The following TMC1 variants were observed in gnomAD, a reference collection of about 807,000 sequenced individuals.
TMC1 encodes the protein transmembrane channel like 1.
TMC1 carries 84 observed loss-of-function variants against 105.8 expected under a neutral mutation model. The ratio of observed to expected loss-of-function variants is 0.79; its 90% CI spans 0.67 to 0.95. The LOEUF (loss-of-function observed/expected upper bound fraction) is 0.95. TMC1 is among the 40% of genes least tolerant of loss of function. The pLI is 0.00. For missense variants in TMC1, 817 were observed against 914.1 expected (o/e 0.89, Z 1.37); for synonymous variants, 315 against 311.5 (o/e 1.01, Z -0.12).
At chr9:72,643,879 TAC>T (rs1439026375) in intron 4 of TMC1, among the ~76,000 whole-genome samples, 2 of 152,186 alleles carry the variant, frequency 1.3e-5, no homozygotes, top group Non-Finnish European at 2.9e-5. Context: ...TGTACCATTT[TAC>T]ATTCCTGGCA....
intron 12 of TMC1, among the ~76,000 whole-genome samples, chr9:72,769,532 C>G (rs971578196): frequency 2.2e-4 from 33 of 152,172 alleles, no homozygotes; most frequent in African/African-American, 7.5e-4. Flanking sequence ...GCTCTACTGT[C>G]AAATCAGTCA....
At chr9:72,680,677 C>T (rs1417614) in intron 5 of TMC1, among the ~76,000 whole-genome samples, 49,897 of 151,946 alleles carry the variant, frequency 0.33, 8,276 homozygotes, top group East Asian at 0.43. Context: ...GTTGTAGCCC[C>T]TCCCTCACCG....
intron 7 of TMC1, among the ~76,000 whole-genome samples, chr9:72,696,219 G>T (rs1023978305): frequency 2.6e-5 from 4 of 152,090 alleles, no homozygotes; most frequent in Admixed American, 6.6e-5. Flanking sequence ...TAGGAAATGG[G>T]GCCATGTGAA....
At chr9:72,774,607 A>G (rs954899561) in intron 13 of TMC1, among the ~76,000 whole-genome samples, 3 of 152,074 alleles carry the variant, frequency 2.0e-5, no homozygotes, top group African/African-American at 7.2e-5. Context: ...TTCCCCCTCA[A>G]AGTCATTCAT....
In TMC1 at chr9:72,788,443, C is replaced by T. The variant is rs1274285534; in HGVS notation, c.989C>T (p.Thr330Ile). ...GACTACCTGATCGGCAATCCTGAAA[C>T]AGCAGACAACAAATTTAATTCTATC... The part of the protein sequence containing the change: ...SWDYLIGNPE[T>I]ADNKFNSITM... The change falls in exon 14 of 24, where the codon ACA (threonine) becomes ATA (isoleucine). Residue 330 changes from threonine to isoleucine, a missense_variant. Transcript: ENST00000297784. 6 of 1,613,886 alleles carry T rather than the reference C, an allele frequency of 3.7e-6. No homozygotes were observed. In the African/African-American group the frequency reaches 4.0e-5, roughly 11 times the overall value.
chr9:72,791,802 C>T (rs1374151296), intron 15 of TMC1, 84 bp from the exon 16 acceptor site: 7 of 1,163,598 alleles, frequency 6.0e-6, no homozygotes, highest in African/African-American at 4.5e-5. Flanking sequence ...AGAAGCCTAG[C>T]TCAGAATCTT....
At chr9:72,635,704 G>A (rs1033499695) in intron 4 of TMC1, among the ~76,000 whole-genome samples, 1 of 152,168 alleles carries the variant, frequency 6.6e-6, no homozygotes, top group Non-Finnish European at 1.5e-5. Flanking sequence ...AGCATAGAAA[G>A]CATAGAAAGA....
At chr9:72,646,404 A>G (rs1252663954) in intron 4 of TMC1, among the ~76,000 whole-genome samples, 1 of 152,214 alleles carries the variant, frequency 6.6e-6, no homozygotes, top group Non-Finnish European at 1.5e-5. Flanking sequence ...GATTCTAATC[A>G]TCTTCATTCT....
Position 72,683,733 on chromosome 9 carries a change from T to TATATATATATATATA in TMC1, c.17-4976_17-4975insATATATATATATATA, listed in dbSNP as rs1588029653. ...TCTGAGTTAACCTGAGTTACACATT[T>TATATATATATATATA]TATATATATATATATATATATATAT... is the stretch of plus-strand genomic sequence containing the variant. On this transcript the variant is annotated intron_variant, in intron 5 of 23. Coordinates refer to ENST00000297784, the MANE Select transcript of TMC1 (RefSeq NM_138691.3). Among the ~76,000 whole-genome samples, 85 of 53,392 alleles carry TATATATATATATATA rather than the reference T, an allele frequency of 1.6e-3. 9 individuals are homozygous for TATATATATATATATA. Among genetic ancestry groups the TATATATATATATATA allele is most frequent in the Admixed American group, 3.6e-3 (12 of 3,312 alleles). 35.0% of individuals were successfully genotyped at this position (53,392 alleles called of 152,430 possible).
chr9:72,732,306 T>C (rs1827224848), intron 8 of TMC1, among the ~76,000 whole-genome samples: 1 of 152,230 alleles, frequency 6.6e-6, no homozygotes, highest in Non-Finnish European at 1.5e-5. Context: ...CTGACACCTA[T>C]AATCCCAGCA....
chr9:72,648,105 T>C (rs998959545), intron 4 of TMC1, among the ~76,000 whole-genome samples: 2 of 152,166 alleles, frequency 1.3e-5, no homozygotes, highest in Non-Finnish European at 2.9e-5. Context: ...TTATTGGAGA[T>C]TGATTGCTAT....
chr9:72,577,234 C>T (rs1395132576), intron 1 of TMC1, among the ~76,000 whole-genome samples: 1 of 152,176 alleles, frequency 6.6e-6, no homozygotes, highest in Non-Finnish European at 1.5e-5. Flanking sequence ...TCTTGGGCTG[C>T]TCATAACCTA....
At chr9:72,798,838 A>C (rs1482294323) in intron 17 of TMC1, among the ~76,000 whole-genome samples, 1 of 152,048 alleles carries the variant, frequency 6.6e-6, no homozygotes. Context: ...ACCTAAAATA[A>C]AAGTTTTTTT....
intron 1 of TMC1, among the ~76,000 whole-genome samples, chr9:72,536,023 CTA>C (rs1448948596): frequency 6.6e-6 from 1 of 152,178 alleles, no homozygotes; most frequent in Non-Finnish European, 1.5e-5. Flanking sequence ...AACATCCAAA[CTA>C]TAGCATTCTG....
At position 72,751,932 on chromosome 9, in the gene TMC1, A is replaced by G. The variant is rs199499836; in HGVS notation, c.618A>G (p.Thr206=). 3 of 1,612,124 alleles carry G rather than the reference A, an allele frequency of 1.9e-6. No individual in the cohort carries two copies. The highest frequency in any genetic ancestry group is 2.7e-5 in the African/African-American group (2 of 74,866). ...YGVNMVLFIL[T]FSLIMLPEYL... ...TCAATATGGTTCTCTTTATCCTGACATTTAGCCTCATCATGTTGCCAGAGG... is the reference window on the plus strand; with the variant it reads ...TCAATATGGTTCTCTTTATCCTGACGTTTAGCCTCATCATGTTGCCAGAGG... The change falls in exon 11 of 24, where the codon ACA becomes ACG. Residue 206 remains threonine (T), a synonymous_variant. Transcript: ENST00000297784.
intron 1 of TMC1, among the ~76,000 whole-genome samples, chr9:72,528,426 C>T (rs1238324088): frequency 6.7e-6 from 1 of 150,072 alleles, no homozygotes; most frequent in African/African-American, 2.5e-5. Flanking sequence ...ACTCCGCCTC[C>T]CGGGTTCAAG....
At chr9:72,643,721 T>C (rs1165376756) in intron 4 of TMC1, among the ~76,000 whole-genome samples, 3 of 152,206 alleles carry the variant, frequency 2.0e-5, no homozygotes, top group African/African-American at 7.2e-5. Context: ...ATTTCCAGTT[T>C]TGGCTGTGAC....
At chr9:72,714,366 T>A (rs1238730483) in intron 8 of TMC1, among the ~76,000 whole-genome samples, 1 of 152,192 alleles carries the variant, frequency 6.6e-6, no homozygotes, top group African/African-American at 2.4e-5. Flanking sequence ...CAGTGGGGTG[T>A]TAAAGTCTCA....
At chr9:72,719,944 A>G (rs2117942332) in intron 8 of TMC1, among the ~76,000 whole-genome samples, 1 of 152,312 alleles carries the variant, frequency 6.6e-6, no homozygotes, top group Non-Finnish European at 1.5e-5. Context: ...GTCAAGCATT[A>G]TGCTGTGGGC....
Sources: allele counts gnomAD v4.1 joint callset (sites outside exome capture counted in the v4.1 genomes callset), GRCh38; gene constraint gnomAD v4.1.1; transcripts MANE v1.5; gene names NCBI Gene and HGNC (gene_info 2026-07-23, HGNC 2026-07-21).